CYTH1: variants seen among roughly 807,000 people sequenced by gnomAD.
The protein encoded by CYTH1 is cytohesin 1.
Under a neutral mutation model 61.8 loss-of-function variants are expected in CYTH1, and 18 were observed. That is an observed-to-expected ratio of 0.29 (90% CI 0.20 to 0.43). The LOEUF (loss-of-function observed/expected upper bound fraction) is 0.43. Ranked by LOEUF, CYTH1 falls within the 20% of genes least tolerant of loss-of-function variation. The pLI is 1.00. For synonymous variants in CYTH1, 174 were observed against 184.3 expected, an observed-to-expected ratio of 0.94 and a Z score of 0.45; for missense variants, 336 against 510.5, an observed-to-expected ratio of 0.66 and a Z score of 3.29.
At chr17:78,702,635 A>G (rs1426934941) in intron 3 of CYTH1, 31 bp from the exon 4 acceptor site, 2 of 1,606,408 alleles carry the variant, frequency 1.2e-6, no homozygotes, top group African/African-American at 2.7e-5. Flanking sequence ...CCATTTTAGT[A>G]CTTCAGGCCA....
At chr17:78,712,897 G>A (rs997822190) in intron 1 of CYTH1, among the ~76,000 whole-genome samples, 2 of 151,790 alleles carry the variant, frequency 1.3e-5, no homozygotes, top group African/African-American at 4.8e-5. Flanking sequence ...ACTCAGGTGT[G>A]TGTATTGGAG....
At chr17:78,692,566 AC>A (rs2092899426) in intron 10 of CYTH1, 73 bp from the exon 11 acceptor site, 1 of 1,418,752 alleles carries the variant, frequency 7.0e-7, no homozygotes, top group African/African-American at 1.4e-5. Context: ...CACACACGAC[AC>A]CCTCTCTTCT....
At chr17:78,745,177 G>A (rs961868850) in intron 1 of CYTH1, among the ~76,000 whole-genome samples, 4 of 152,140 alleles carry the variant, frequency 2.6e-5, no homozygotes, top group Admixed American at 1.3e-4. Flanking sequence ...GAGCCTGGGA[G>A]CATTGGGAAG....
chr17:78,760,469 ATG>A (rs1482363588), intron 1 of CYTH1, among the ~76,000 whole-genome samples: 1 of 48,704 alleles, frequency 2.1e-5, no homozygotes, highest in Non-Finnish European at 4.0e-5. Flanking sequence ...ACATATATAT[ATG>A]TATATATATG....
intron 1 of CYTH1, 93 bp from the exon 2 acceptor site, chr17:78,709,825 A>G: frequency 9.0e-7 from 1 of 1,115,480 alleles, no homozygotes; most frequent in South Asian, 1.4e-5. Context: ...AGATATCAAG[A>G]AAGAAACTAG....
At chr17:78,769,470 C>T (rs2093461955) in intron 1 of CYTH1, among the ~76,000 whole-genome samples, 1 of 152,184 alleles carries the variant, frequency 6.6e-6, no homozygotes, top group African/African-American at 2.4e-5. Context: ...CAAGGGCCAG[C>T]TCCTCTACAA....
chr17:78,676,176 C>T lies in CYTH1; in HGVS notation c.1119-7G>A. 2 of 1,603,718 alleles carry T rather than the reference C, an allele frequency of 1.2e-6. No individual in the cohort carries two copies. The highest frequency in any genetic ancestry group is 1.7e-6 in the Non-Finnish European group (2 of 1,175,192). Reference sequence around the variant, plus strand: ...GTCCCTGCTGATGGCTGCTCTGGAGCACAGAAAAGGGAGAAAACAGAGACG... The same window carrying T: ...GTCCCTGCTGATGGCTGCTCTGGAGTACAGAAAAGGGAGAAAACAGAGACG... On this transcript the variant is annotated splice_region_variant and splice_polypyrimidine_tract_variant and intron_variant, in intron 13 of 13. Coordinates refer to ENST00000446868, the MANE Select transcript of CYTH1 (RefSeq NM_004762.6).
chr17:78,711,283 A>AATAC (rs886077214), intron 1 of CYTH1, among the ~76,000 whole-genome samples: 41 of 125,770 alleles, frequency 3.3e-4, no homozygotes, highest in African/African-American at 1.1e-3. Context: ...TAAATAAATA[A>AATAC]ATAAATAAAT....
chr17:78,779,794 G>T (rs1304562224), intron 1 of CYTH1, among the ~76,000 whole-genome samples: 2 of 152,242 alleles, frequency 1.3e-5, no homozygotes, highest in Non-Finnish European at 2.9e-5. Context: ...GAACCAGCCT[G>T]TCCGACACCT....
intron 2 of CYTH1, 52 bp downstream of exon 2, chr17:78,709,598 G>C (rs541051207): frequency 1.6e-5 from 26 of 1,590,480 alleles, no homozygotes; most frequent in Admixed American, 1.5e-4. Flanking sequence ...CATACAAATG[G>C]AACTGTCACT....
chr17:78,734,242 A>C (rs904285348), intron 1 of CYTH1, among the ~76,000 whole-genome samples: 4 of 125,124 alleles, frequency 3.2e-5, no homozygotes, highest in African/African-American at 1.4e-4. Flanking sequence ...ACTCTGTCTC[A>C]AAAAAAAAAA....
At chr17:78,767,398 C>T (rs2093453220) in intron 1 of CYTH1, among the ~76,000 whole-genome samples, 1 of 152,076 alleles carries the variant, frequency 6.6e-6, no homozygotes, top group South Asian at 2.1e-4. Flanking sequence ...TTGGTATTTC[C>T]ACCATAGCAA....
chr17:78,731,785 AT>A (rs1409031855), intron 1 of CYTH1, among the ~76,000 whole-genome samples: 1 of 151,996 alleles, frequency 6.6e-6, no homozygotes, highest in Non-Finnish European at 1.5e-5. Flanking sequence ...AAAAAAACAA[AT>A]AAAAAGGAAA....
At chr17:78,770,679 T>C (rs2093467919) in intron 1 of CYTH1, among the ~76,000 whole-genome samples, 3 of 152,132 alleles carry the variant, frequency 2.0e-5, no homozygotes, top group Admixed American at 2.0e-4. Flanking sequence ...GGCCTGGGAT[T>C]ACAGGTGTGA....
At chr17:78,765,413 G>A (rs960877965) in intron 1 of CYTH1, among the ~76,000 whole-genome samples, 21 of 152,208 alleles carry the variant, frequency 1.4e-4, no homozygotes, top group African/African-American at 5.1e-4. Flanking sequence ...TTTCCTCCAT[G>A]CTTTGTCACT....
chr17:78,757,227 C>T (rs530903639), intron 1 of CYTH1, among the ~76,000 whole-genome samples: 4 of 152,036 alleles, frequency 2.6e-5, no homozygotes, highest in South Asian at 2.1e-4. Flanking sequence ...GGATTACAGG[C>T]GTGAGCCACC....
rs146029092 is a variant in CYTH1 at position 78,695,503 on chromosome 17, A to G, written c.814+504T>C. Among the ~76,000 whole-genome samples, 436 of 152,306 alleles carry G rather than the reference A, an allele frequency of 2.9e-3. 3 individuals are homozygous for G. Among genetic ancestry groups the G allele is most frequent in the African/African-American group, 9.5e-3 (393 of 41,560 alleles). On this transcript the variant is annotated intron_variant, in intron 10 of 13. Coordinates refer to ENST00000446868, the MANE Select transcript of CYTH1 (RefSeq NM_004762.6). ...TCTTTCCCTAGTTTGCTTTTCCATC[A>G]TGGTAAATCAGAAGCTTTCCATAGC...
chr17:78,699,633 C>G (rs953021195), intron 7 of CYTH1, among the ~76,000 whole-genome samples: 12 of 152,116 alleles, frequency 7.9e-5, no homozygotes, highest in Non-Finnish European at 1.2e-4. Flanking sequence ...ATTTCCTCTA[C>G]GTAAATATGA....
At chr17:78,764,173 T>C (rs1271838900) in intron 1 of CYTH1, among the ~76,000 whole-genome samples, 3 of 150,896 alleles carry the variant, frequency 2.0e-5, no homozygotes, top group Non-Finnish European at 4.4e-5. Flanking sequence ...ACTAATACCA[T>C]AAAATAATAT....
Sources: gnomAD v4.1 joint callset for allele counts (sites outside exome capture counted in the v4.1 genomes callset) on GRCh38, gnomAD v4.1.1 for gene constraint, MANE v1.5 for transcripts, NCBI Gene and HGNC (gene_info 2026-07-23, HGNC 2026-07-21) for gene names.